Variants in MAPK10 observed in about 807,000 individuals in gnomAD.
The protein encoded by MAPK10 is mitogen-activated protein kinase 10, also known as JNK3 alpha protein kinase.
In MAPK10, 25 loss-of-function variants were observed where a neutral mutation model predicts 59.3. That is an observed-to-expected ratio of 0.42 (90% CI 0.31 to 0.59). The LOEUF (loss-of-function observed/expected upper bound fraction) is 0.59, where lower values mean the gene tolerates loss of function less well. Among genes scored for constraint, MAPK10 ranks in the 20% least tolerant of loss-of-function variants. The pLI is 0.15. For missense variants in MAPK10, 351 were observed against 568.9 expected, an observed-to-expected ratio of 0.62 and a Z score of 3.90; for synonymous variants, 190 against 200.5, an observed-to-expected ratio of 0.95 and a Z score of 0.44.
At chr4:86,382,012 G>A (rs1045173759) in intron 1 of MAPK10, among the ~76,000 whole-genome samples, 11 of 151,876 alleles carry the variant, frequency 7.2e-5, no homozygotes, top group African/African-American at 1.7e-4. Context: ...ATTGACATTC[G>A]GAGCCAATAA....
intron 13 of MAPK10, among the ~76,000 whole-genome samples, chr4:86,026,003 A>C (rs1377402464): frequency 6.6e-6 from 1 of 152,358 alleles, no homozygotes; most frequent in South Asian, 2.1e-4. Flanking sequence ...TTTAATAAAA[A>C]GTAAATAAAA....
At chr4:86,207,884 TG>T (rs759997478) in intron 2 of MAPK10, among the ~76,000 whole-genome samples, 3 of 149,344 alleles carry the variant, frequency 2.0e-5, no homozygotes, top group Non-Finnish European at 4.4e-5. Context: ...TTGTGATTTT[TG>T]TACATTGATT....
At chr4:86,029,782 C>A (rs908472304) in intron 12 of MAPK10, among the ~76,000 whole-genome samples, 1 of 151,782 alleles carries the variant, frequency 6.6e-6, no homozygotes, top group Admixed American at 6.6e-5. Context: ...AAATTATTAC[C>A]AATCCTTACA....
chr4:86,518,928 G>A (rs745353448), intron 1 of MAPK10, among the ~76,000 whole-genome samples: 1 of 151,970 alleles, frequency 6.6e-6, no homozygotes, highest in African/African-American at 2.4e-5. Flanking sequence ...TAGTTTTGAG[G>A]GTTCCTTTTG....
chr4:86,415,628 AC>A (rs1225200932), intron 1 of MAPK10, among the ~76,000 whole-genome samples: 4 of 152,196 alleles, frequency 2.6e-5, no homozygotes, highest in Non-Finnish European at 2.9e-5. Flanking sequence ...TCTTTTTCCC[AC>A]TACAAAATAT....
intron 2 of MAPK10, among the ~76,000 whole-genome samples, chr4:86,218,718 T>C (rs1350289037): frequency 1.3e-5 from 2 of 152,188 alleles, no homozygotes; most frequent in East Asian, 3.8e-4. Flanking sequence ...AAATGTCATC[T>C]TGAATCCTGG....
intron 1 of MAPK10, among the ~76,000 whole-genome samples, chr4:86,431,894 A>G (rs1748091333): frequency 2.0e-5 from 3 of 152,208 alleles, no homozygotes; most frequent in Admixed American, 2.0e-4. Flanking sequence ...CTATGATGTC[A>G]AAAGGTGAAG....
chr4:86,056,437 A>T (rs1158289250), intron 11 of MAPK10, among the ~76,000 whole-genome samples: 1 of 150,156 alleles, frequency 6.7e-6, no homozygotes, highest in Non-Finnish European at 1.5e-5. Context: ...TTATAATCAA[A>T]TATATTTATA....
chr4:86,422,261 G>A (rs780485886), intron 1 of MAPK10, among the ~76,000 whole-genome samples: 3 of 152,118 alleles, frequency 2.0e-5, no homozygotes, highest in Admixed American at 6.5e-5. Flanking sequence ...ATATACAGGC[G>A]TTTTAACTGA....
intron 11 of MAPK10, among the ~76,000 whole-genome samples, chr4:86,055,186 C>A (rs2044313394): frequency 6.6e-6 from 1 of 152,110 alleles, no homozygotes; most frequent in African/African-American, 2.4e-5. Flanking sequence ...TTAAAATATA[C>A]AAGAAATACT....
intron 2 of MAPK10, chr4:86,335,171 A>C (rs1363160783): frequency 6.6e-6 from 1 of 152,214 alleles, no homozygotes; most frequent in Admixed American, 6.5e-5. Flanking sequence ...ACGAAATGAA[A>C]GGTAATCTAT....
chr4:86,030,270 T>A (rs2038702436), intron 12 of MAPK10, among the ~76,000 whole-genome samples: 1 of 152,186 alleles, frequency 6.6e-6, no homozygotes, highest in Non-Finnish European at 1.5e-5. Flanking sequence ...GACCCTGGAA[T>A]CTCTGGACCA....
chr4:86,181,344 T>G (rs574871457), intron 3 of MAPK10, among the ~76,000 whole-genome samples: 1 of 152,202 alleles, frequency 6.6e-6, no homozygotes, highest in East Asian at 1.9e-4. Flanking sequence ...TAGTGCTGCT[T>G]AAATTTATGA....
At chr4:86,259,043 T>A (rs55802491) in intron 2 of MAPK10, among the ~76,000 whole-genome samples, 28,258 of 152,086 alleles carry the variant, frequency 0.19, 2,868 homozygotes, top group African/African-American at 0.25. Flanking sequence ...GTCAGAAGAA[T>A]GGATCTCTTG....
At chr4:86,090,986 T>C (rs1453895995) in intron 9 of MAPK10, 2 of 152,138 alleles carry the variant, frequency 1.3e-5, no homozygotes, top group African/African-American at 2.4e-5. Flanking sequence ...TCTATTACTT[T>C]CCAACTATGT....
chr4:86,183,550 T>G (rs1257995851), intron 3 of MAPK10, among the ~76,000 whole-genome samples: 4 of 152,058 alleles, frequency 2.6e-5, no homozygotes, highest in Non-Finnish European at 4.4e-5. Flanking sequence ...TGTTGGACAT[T>G]TGGGTTGGTT....
intron 11 of MAPK10, among the ~76,000 whole-genome samples, chr4:86,060,979 T>C (rs1460537853): frequency 6.6e-6 from 1 of 152,156 alleles, no homozygotes; most frequent in Non-Finnish European, 1.5e-5. Flanking sequence ...GTCATAATAG[T>C]AATAGTAATT....
At chr4:86,429,263 T>C (rs1324619304) in intron 1 of MAPK10, among the ~76,000 whole-genome samples, 1 of 152,200 alleles carries the variant, frequency 6.6e-6, no homozygotes, top group African/African-American at 2.4e-5. Context: ...TCATTTGGAA[T>C]ATGGTACATT....
intron 11 of MAPK10, among the ~76,000 whole-genome samples, chr4:86,048,761 A>G (rs1041255991): frequency 6.6e-6 from 1 of 152,176 alleles, no homozygotes; most frequent in Non-Finnish European, 1.5e-5. Context: ...AATTGATTTG[A>G]GTATACTTCA....
Sources: allele counts gnomAD v4.1 joint callset (sites outside exome capture counted in the v4.1 genomes callset), GRCh38; gene constraint gnomAD v4.1.1; transcripts MANE v1.5; gene names NCBI Gene and HGNC (gene_info 2026-07-23, HGNC 2026-07-21).